Variants in COL6A5 observed in about 807,000 individuals in gnomAD.
COL6A5 encodes collagen type VI alpha 5 chain.
In COL6A5, 48 loss-of-function variants were observed where a neutral mutation model predicts 65.6. The observed-to-expected ratio is 0.73, with a 90% CI of 0.58 to 0.93. COL6A5 has a LOEUF of 0.93. Ranked by LOEUF, COL6A5 falls within the 40% of genes least tolerant of loss-of-function variation. COL6A5 has a pLI of 0.00. For synonymous variants in COL6A5, 291 were observed against 322.8 expected (o/e 0.90, Z 1.05); for missense variants, 914 against 928.3 (o/e 0.98, Z 0.20).
chr3:130,431,932 T>C (rs1472505019), exon 1 of COL6A5: 1 of 1,550,012 alleles, frequency 6.5e-7, no homozygotes, highest in Admixed American at 2.0e-5. Flanking sequence ...TGAGAGAGTT[T>C]TCCTTGAAGC....
At chr3:130,423,989 G>C in intron 29 of COL6A5, 89 bp downstream of exon 29, 1 of 992,464 alleles carries the variant, frequency 1.0e-6, no homozygotes, top group Non-Finnish European at 1.5e-6. Flanking sequence ...AAATGCACTG[G>C]ATTTAAGTCC....
At chr3:130,423,104 T>G (rs1937544315) in intron 28 of COL6A5, among the ~76,000 whole-genome samples, 2 of 152,054 alleles carry the variant, frequency 1.3e-5, no homozygotes. Flanking sequence ...TATTAAATCT[T>G]GGCATATTAA....
chr3:130,401,107 A>G lies in COL6A5; in HGVS notation c.4068A>G (p.Arg1356=), dbSNP rs772462112. The change falls in exon 11 of 42, where the codon AGA becomes AGG. Residue 1356 remains arginine (R), a synonymous_variant and NMD_transcript_variant. Coordinates refer to the COL6A5 transcript ENST00000312481. ...TTTCTAGCTTTGAATTTGGAAAAAG[A>G]TTCGATTACAGGACTCATCTGACTA... The G allele has an allele frequency of 1.4e-5, 22 of 1,551,134 alleles. No homozygotes were observed. In the Admixed American group the frequency reaches 2.6e-4, roughly 18 times the overall value.
chr3:130,359,690 C>T (rs376582300), intron 1 of COL6A5, among the ~76,000 whole-genome samples: 4 of 151,852 alleles, frequency 2.6e-5, no homozygotes, highest in Non-Finnish European at 5.9e-5. Flanking sequence ...GTGTAGGACC[C>T]GCAGAAGTCA....
In COL6A5 at chr3:130,409,368, A is replaced by G. The variant is rs760847770; in HGVS notation, c.4522A>G (p.Lys1508Glu). The G allele has an allele frequency of 1.9e-5, 30 of 1,548,580 alleles. No individual in the cohort carries two copies. Among genetic ancestry groups the G allele is most frequent in the Non-Finnish European group, 2.4e-5 (28 of 1,145,674 alleles). ...AGGTGCCCCTGGGCAGTATGGAGAG[A>G]AGGGCTTCCCAGGGGATCCGGTAAG... The change falls in exon 18 of 42, where the codon AAG (lysine) becomes GAG (glutamate). Residue 1508 changes from lysine (K) to glutamate (E), a missense_variant and NMD_transcript_variant. Coordinates refer to the COL6A5 transcript ENST00000312481.
At chr3:130,430,956 G>A (rs1937776930), upstream of COL6A5, among the ~76,000 whole-genome samples, 1 of 152,202 alleles carries the variant, frequency 6.6e-6, no homozygotes, top group Non-Finnish European at 1.5e-5. Context: ...TGTTGCATAA[G>A]TGGATGGAAA....
chr3:130,415,507 A>C, intron 22 of COL6A5, 138 bp from the exon 23 acceptor site: 1 of 707,096 alleles, frequency 1.4e-6, no homozygotes, highest in Non-Finnish European at 2.3e-6. Context: ...ATGACTCTTA[A>C]TACATGCTTA....
chr3:130,411,950 A>C (rs1410803172), intron 20 of COL6A5, among the ~76,000 whole-genome samples: 4 of 152,186 alleles, frequency 2.6e-5, no homozygotes, highest in Admixed American at 6.5e-5. Context: ...TTTCCGACGC[A>C]GAATAGAGTT....
intron 1 of COL6A5, 77 bp from the exon 2 acceptor site, chr3:130,373,534 C>T (rs538512736): frequency 1.5e-6 from 1 of 680,980 alleles, no homozygotes; most frequent in African/African-American, 1.8e-5. Context: ...GGTACCATGC[C>T]CTAATACAAC....
intron 25 of COL6A5, 39 bp from the exon 26 acceptor site, chr3:130,421,114 A>C: frequency 6.5e-7 from 1 of 1,532,780 alleles, no homozygotes; most frequent in Non-Finnish European, 8.8e-7. Flanking sequence ...ATTAATTTCC[A>C]CCTTTGAGAA....
intron 3 of COL6A5, 86 bp from the exon 4 acceptor site, chr3:130,379,332 C>A (rs1412217713): frequency 8.2e-7 from 1 of 1,224,422 alleles, no homozygotes; most frequent in Non-Finnish European, 1.1e-6. Flanking sequence ...TCTATTCTAA[C>A]TAATGTGCTT....
intron 1 of COL6A5, among the ~76,000 whole-genome samples, chr3:130,368,799 A>G (rs894932315): frequency 6.6e-6 from 1 of 152,216 alleles, no homozygotes; most frequent in Admixed American, 6.5e-5. Flanking sequence ...GACAGCCAGC[A>G]CAGGAAAATA....
intron 13 of COL6A5, 55 bp from the exon 14 acceptor site, chr3:130,405,533 G>A: frequency 1.5e-6 from 2 of 1,306,738 alleles, no homozygotes; most frequent in Non-Finnish European, 2.2e-6. Flanking sequence ...ATAAACCACT[G>A]GCAGCTTCTG....
At chr3:130,393,717 TC>T (rs1266251337) in intron 7 of COL6A5, among the ~76,000 whole-genome samples, 2 of 152,070 alleles carry the variant, frequency 1.3e-5, no homozygotes, top group Admixed American at 6.5e-5. Context: ...TAAACAAAGC[TC>T]CAAACCTAGC....
intron 29 of COL6A5, 54 bp from the exon 30 acceptor site, chr3:130,426,160 A>G (rs989833689): frequency 6.7e-7 from 1 of 1,503,588 alleles, no homozygotes; most frequent in African/African-American, 1.4e-5. Flanking sequence ...ATTACTAAAG[A>G]CTAAAGACTT....
At chr3:130,363,792 C>A (rs1935228020) in intron 1 of COL6A5, among the ~76,000 whole-genome samples, 1 of 152,064 alleles carries the variant, frequency 6.6e-6, no homozygotes, top group Non-Finnish European at 1.5e-5. Flanking sequence ...TAGACTTGTC[C>A]ACATTGCACC....
intron 14 of COL6A5, 68 bp from the exon 15 acceptor site, chr3:130,405,925 A>C: frequency 6.9e-7 from 1 of 1,440,754 alleles, no homozygotes; most frequent in Non-Finnish European, 9.6e-7. Flanking sequence ...CACTCACTTT[A>C]GAGAGGCAGT....
intron 4 of COL6A5, among the ~76,000 whole-genome samples, chr3:130,449,112 G>A (rs1709369557): frequency 6.6e-6 from 1 of 152,162 alleles, no homozygotes; most frequent in Non-Finnish European, 1.5e-5. Context: ...AACCAATTGA[G>A]TTAAAGCCTC....
intron 7 of COL6A5, among the ~76,000 whole-genome samples, chr3:130,481,051 C>CT (rs111308986): frequency 5.0e-4 from 74 of 149,264 alleles, no homozygotes; most frequent in Middle Eastern, 3.4e-3. Flanking sequence ...TTCTTTCTTT[C>CT]TTTTTTTTTT....
Sources: gnomAD v4.1 joint callset for allele counts (sites outside exome capture counted in the v4.1 genomes callset) on GRCh38, gnomAD v4.1.1 for gene constraint, MANE v1.5 for transcripts, NCBI Gene and HGNC (gene_info 2026-07-23, HGNC 2026-07-21) for gene names.